Variants in EVC2 observed in about 807,000 individuals in gnomAD.
EVC2 encodes EvC ciliary complex subunit 2, also known as limbin.
Under a neutral mutation model 149.3 loss-of-function variants are expected in EVC2, and 148 were observed. The observed-to-expected ratio is 0.99, with a 90% CI of 0.87 to 1.14. The LOEUF (loss-of-function observed/expected upper bound fraction) is 1.14, where lower values mean the gene tolerates loss of function less well. Among genes scored for constraint, EVC2 ranks in the 50% most tolerant of loss-of-function variants. The probability of loss-of-function intolerance (pLI) is 0.00; values close to 1 mark genes in which losing one functional copy is unlikely to be tolerated. For synonymous variants in EVC2, 776 were observed against 649.9 expected, an observed-to-expected ratio of 1.19 and a Z score of -2.95; for missense variants, 1,854 against 1,627.3, an observed-to-expected ratio of 1.14 and a Z score of -2.40.
chr4:5,694,893 C>T (rs1401175277), intron 2 of EVC2, among the ~76,000 whole-genome samples: 1 of 152,132 alleles, frequency 6.6e-6, no homozygotes, highest in Non-Finnish European at 1.5e-5. Context: ...CTCTATACCT[C>T]GGTTTGCTTA....
intron 21 of EVC2, among the ~76,000 whole-genome samples, chr4:5,550,905 G>C (rs1216360704): frequency 6.6e-6 from 1 of 152,254 alleles, no homozygotes; most frequent in Non-Finnish European, 1.5e-5. Context: ...TGGCTTCAGA[G>C]GATGCAAGCC....
At chr4:5,604,366 C>T (rs893455870) in intron 16 of EVC2, among the ~76,000 whole-genome samples, 3 of 152,172 alleles carry the variant, frequency 2.0e-5, no homozygotes, top group Non-Finnish European at 2.9e-5. Context: ...TTGAATAACA[C>T]GGGTTTGAAT....
At chr4:5,676,476 A>C (rs1465878796) in intron 7 of EVC2, among the ~76,000 whole-genome samples, 3 of 152,086 alleles carry the variant, frequency 2.0e-5, no homozygotes, top group Non-Finnish European at 2.9e-5. Context: ...TCGCCATCAC[A>C]CCTGTCTGGT....
At chr4:5,537,084 A>G in the EVC2 span, among the ~76,000 whole-genome samples, 13 of 152,210 alleles carry the variant, frequency 8.5e-5, no homozygotes, top group Non-Finnish European at 1.9e-4. Context: ...AAGGTGTTGG[A>G]CATTAGACAA....
Position 5,679,219 on chromosome 4 carries a change from ACC to A in EVC2, c.870+2039_870+2040del, listed in dbSNP as rs1379642318. 2.6e-5 allele frequency among the ~76,000 whole-genome samples: 4 copies of A among 151,910 alleles called. No homozygotes were observed. Among genetic ancestry groups the A allele is most frequent in the Admixed American group, 2.0e-4 (3 of 15,230 alleles). Reference sequence around the variant, plus strand: ...CGACTATAGACTTTAGAAACACTGTACCCTTAGGCTACACTACATTTATTTAT... The same window carrying A: ...CGACTATAGACTTTAGAAACACTGTACTTAGGCTACACTACATTTATTTAT... On this transcript the variant is annotated intron_variant, in intron 7 of 21. Transcript: ENST00000344408. The surrounding 1 kb of genome is among the most constrained non-coding windows in gnomAD (Gnocchi z 5.1).
In EVC2 at chr4:5,653,750, T is replaced by G. The variant is rs541079912; in HGVS notation, c.1145+9357A>C. ...CTGGGAGATATGGGAACTCTCTGTA[T>G]TCTTCTCTCAATGTTTCTATAAATC... On this transcript the variant is annotated intron_variant, in intron 9 of 21. Coordinates refer to ENST00000344408, the MANE Select transcript of EVC2 (RefSeq NM_147127.5). Among the ~76,000 whole-genome samples, 48 of 152,358 alleles carry G rather than the reference T, an allele frequency of 3.2e-4. 1 individual carries two copies. Among genetic ancestry groups the G allele is most frequent in the Admixed American group, 1.0e-3 (16 of 15,312 alleles).
chr4:5,665,651 T>C lies in EVC2; in HGVS notation c.871-2A>G, dbSNP rs1339487617. The stretch of plus-strand genomic sequence containing the variant: ...GTGGAGGCCGTGGTGCGGCAGAACC[T>C]GTGGAGACAAGAGGAGAGCAGGATT... On this transcript the variant is annotated splice_acceptor_variant, in intron 7 of 21. Transcript: ENST00000344408. LOFTEE classifies it high-confidence loss of function. 6.2e-7 allele frequency: 1 copy of C among 1,614,068 alleles called. No individual in the cohort carries two copies. The highest frequency in any genetic ancestry group is 8.5e-7 in the Non-Finnish European group (1 of 1,179,998).
At position 5,618,528 on chromosome 4, in the gene EVC2, C is replaced by G; in HGVS notation, c.2656G>C (p.Glu886Gln). The change falls in exon 15 of 22, where the codon GAA becomes CAA. Residue 886 changes from glutamate (E) to glutamine (Q), a missense_variant. Glu to Gln is a conservative substitution (Grantham distance 29). Coordinates refer to ENST00000344408, the MANE Select transcript of EVC2 (RefSeq NM_147127.5). The surrounding 1 kb of genome is among the most constrained non-coding windows in gnomAD (Gnocchi z 4.4). ...LLQQFQTAWR[E>Q]AEFVKLDQAV... ...TGGTCCAGCTTCACGAACTCTGCTTCTCGCCACGCAGTCTGAAATTGCTGC... is the reference window on the plus strand; with the variant it reads ...TGGTCCAGCTTCACGAACTCTGCTTGTCGCCACGCAGTCTGAAATTGCTGC... 1 of 1,614,052 alleles carries G rather than the reference C, an allele frequency of 6.2e-7. No homozygotes were observed. The highest frequency in any genetic ancestry group is 8.5e-7 in the Non-Finnish European group (1 of 1,180,040).
In EVC2 at chr4:5,640,377, G is replaced by C. The variant is rs1317169889; in HGVS notation, c.1470+137C>G. On this transcript the variant is annotated intron_variant, in intron 10 of 21. Coordinates refer to ENST00000344408, the MANE Select transcript of EVC2 (RefSeq NM_147127.5). This position sits in a 1 kb window ranked among gnomAD's most constrained non-coding sequence, Gnocchi z 4.6. ...GGATGAATGAATGGAAGGATGAATA[G>C]ATGAATGAGTGGGTGGTTGGATGGA... 1.0e-6 allele frequency: 1 copy of C among 1,005,006 alleles called. No individual in the cohort carries two copies. The highest frequency in any genetic ancestry group is 1.6e-5 in the African/African-American group (1 of 62,850). 62.3% of individuals were successfully genotyped at this position (1,005,006 alleles called of 1,614,324 possible). A position where few individuals can be genotyped will look rare whatever the true frequency, so the allele number is the denominator to read the frequency against.
At chr4:5,619,217 T>C (rs1361484518) in intron 14 of EVC2, among the ~76,000 whole-genome samples, 1 of 152,144 alleles carries the variant, frequency 6.6e-6, no homozygotes, top group African/African-American at 2.4e-5. Context: ...GAATTGTGGC[T>C]CCCAAAAAGA....
rs977107554 is a variant in EVC2, at chr4:5,640,553, C to T, written c.1431G>A (p.Met477Ile). 3.1e-6 allele frequency: 5 copies of T among 1,614,028 alleles called. No homozygotes were observed. In the African/African-American group the frequency reaches 6.7e-5, roughly 22 times the overall value. The change falls in exon 10 of 22, where the codon ATG becomes ATA. Residue 477 changes from methionine (M) to isoleucine (I), a missense_variant. Physicochemically the swap from Met to Ile is conservative, Grantham distance 10. Transcript: ENST00000344408. The surrounding 1 kb of genome is among the most constrained non-coding windows in gnomAD (Gnocchi z 4.6). The stretch of plus-strand genomic sequence containing the variant: ...GTTTCAGCAACTCTTCTGCTTCCTC[C>T]ATTGCCATCATCTCTCTCTGGTACT... ...ENQYQREMMA[M>I]EEAEELLKRA...
chr4:5,616,626 AAAC>A (rs1715277555), intron 15 of EVC2, among the ~76,000 whole-genome samples: 1 of 152,206 alleles, frequency 6.6e-6, no homozygotes, highest in African/African-American at 2.4e-5. Context: ...ATGAAGATTA[AAAC>A]AACAATTTTA....
At chr4:5,531,807 A>T in the EVC2 span, among the ~76,000 whole-genome samples, 25 of 152,206 alleles carry the variant, frequency 1.6e-4, no homozygotes, top group Admixed American at 1.5e-3. Flanking sequence ...TAATAATAGA[A>T]ATAAAGTGCA....
Position 5,568,562 on chromosome 4 carries a change from G to A in EVC2, c.3439C>T (p.Leu1147=), listed in dbSNP as rs752997091. ...ATLRRLLSVV[L]PTASQPQLLA... is the part of the protein sequence containing the mutation. ...AGCTGAGGCTGTGAGGCTGTGGGCA[G>A]TACCACACTCAGGAGCCGGCGAAGC... Residue 1147 remains leucine, a synonymous_variant, in exon 20 of 22, where the codon CTG becomes TTG. Transcript: ENST00000344408. The A allele has an allele frequency of 2.5e-6, 4 of 1,605,940 alleles. No homozygotes were observed. The highest frequency in any genetic ancestry group is 1.3e-5 in the African/African-American group (1 of 74,868).
intron 17 of EVC2, among the ~76,000 whole-genome samples, chr4:5,583,980 G>A (rs981496862): frequency 6.6e-6 from 1 of 151,770 alleles, no homozygotes; most frequent in African/African-American, 2.4e-5. Context: ...GCCTTAATAA[G>A]TATAACTAAG....
intron 9 of EVC2, among the ~76,000 whole-genome samples, chr4:5,645,792 TG>T (rs924217643): frequency 6.6e-5 from 10 of 152,374 alleles, no homozygotes; most frequent in African/African-American, 2.2e-4. Context: ...ATGGGATTGC[TG>T]GGTTGAATAG....
chr4:5,562,099 T>C (rs1047720296), downstream of EVC2, among the ~76,000 whole-genome samples: 1 of 152,170 alleles, frequency 6.6e-6, no homozygotes, highest in Non-Finnish European at 1.5e-5. This position sits in a 1 kb window ranked among gnomAD's most constrained non-coding sequence, Gnocchi z 4.3. Flanking sequence ...TATAGGTAAC[T>C]GTGTGAGGGC....
intron 10 of EVC2, among the ~76,000 whole-genome samples, chr4:5,639,339 C>G (rs982982950): frequency 6.6e-6 from 1 of 152,192 alleles, no homozygotes; most frequent in Non-Finnish European, 1.5e-5. Flanking sequence ...CATAGGAAAA[C>G]AGAAATCAGG....
At chr4:5,676,840 C>A (rs1440420216) in intron 7 of EVC2, among the ~76,000 whole-genome samples, 1 of 152,142 alleles carries the variant, frequency 6.6e-6, no homozygotes, top group East Asian at 1.9e-4. Context: ...GCTGTGCATT[C>A]TTCGGTCTTT....
Sources: allele counts gnomAD v4.1 joint callset (sites outside exome capture counted in the v4.1 genomes callset), GRCh38; gene constraint gnomAD v4.1.1; non-coding constraint Gnocchi (gnomAD v3.1); transcripts MANE v1.5; gene names NCBI Gene and HGNC (gene_info 2026-07-23, HGNC 2026-07-21).